Variants in NRCAM observed in about 807,000 individuals in gnomAD.
The protein encoded by NRCAM is neuronal cell adhesion molecule.
A neutral mutation model predicts 156.5 loss-of-function variants in NRCAM; 83 were observed. The ratio of observed to expected loss-of-function variants is 0.53; its 90% CI spans 0.44 to 0.64. NRCAM has a LOEUF of 0.64. Among genes scored for constraint, NRCAM ranks in the 30% least tolerant of loss-of-function variants. The pLI, the probability that NRCAM is intolerant of heterozygous loss-of-function variation, is 0.00. For missense variants in NRCAM, 1,417 were observed against 1,597.3 expected, an observed-to-expected ratio of 0.89 and a Z score of 1.92; for synonymous variants, 538 against 563.9, an observed-to-expected ratio of 0.95 and a Z score of 0.65.
chr7:108,343,703 A>G (rs1295697506), intron 2 of NRCAM, among the ~76,000 whole-genome samples: 1 of 152,226 alleles, frequency 6.6e-6, no homozygotes, highest in South Asian at 2.1e-4. Flanking sequence ...AAAACCCTTC[A>G]TCAAACCTTT....
intron 1 of NRCAM, among the ~76,000 whole-genome samples, chr7:108,420,704 T>C (rs553836941): frequency 2.6e-5 from 4 of 152,208 alleles, no homozygotes; most frequent in African/African-American, 4.8e-5. Context: ...CTGGTCCCCA[T>C]TGGTTTCCTT....
intron 2 of NRCAM, among the ~76,000 whole-genome samples, chr7:108,366,740 C>A (rs1595300664): frequency 1.3e-5 from 2 of 152,176 alleles, no homozygotes; most frequent in African/African-American, 4.8e-5. Context: ...GGTGTAAATA[C>A]CTAATTGCAA....
At chr7:108,453,933 A>G (rs1853497910) in intron 1 of NRCAM, among the ~76,000 whole-genome samples, 1 of 152,212 alleles carries the variant, frequency 6.6e-6, no homozygotes, top group Non-Finnish European at 1.5e-5. Flanking sequence ...TCAACATCCA[A>G]TTTGAGGAGT....
intron 2 of NRCAM, among the ~76,000 whole-genome samples, chr7:108,386,631 A>G (rs2099741630): frequency 6.6e-6 from 1 of 152,156 alleles, no homozygotes; most frequent in South Asian, 2.1e-4. Context: ...GAAAACTATG[A>G]TAATAATAAC....
intron 1 of NRCAM, among the ~76,000 whole-genome samples, chr7:108,446,621 C>G (rs1844486431): frequency 6.6e-6 from 1 of 152,102 alleles, no homozygotes; most frequent in South Asian, 2.1e-4. Context: ...GCCTGGATGA[C>G]TAGTTATCTG....
intron 2 of NRCAM, among the ~76,000 whole-genome samples, chr7:108,337,842 T>C (rs2099218754): frequency 6.6e-6 from 1 of 152,150 alleles, no homozygotes; most frequent in South Asian, 2.1e-4. Context: ...CCCAGTAACA[T>C]TTAGCGACCA....
intron 2 of NRCAM, among the ~76,000 whole-genome samples, chr7:108,347,117 AAGCAC>A (rs2099362797): frequency 7.4e-6 from 1 of 135,598 alleles, no homozygotes; most frequent in African/African-American, 2.8e-5. Flanking sequence ...GGCTCACTGC[AAGCAC>A]TGCCTCCCGG....
rs1310133764 is a variant in NRCAM at position 108,223,728 on chromosome 7, CCTT to C, written c.884_886del (p.Glu295del). 6.7e-7 allele frequency: 1 copy of C among 1,485,388 alleles called. No individual in the cohort carries two copies. Among genetic ancestry groups the C allele is most frequent in the African/African-American group, 1.4e-5 (1 of 72,280 alleles). The allele number at this position is 1,485,388 out of a possible 1,614,324, so 92.0% of individuals were successfully genotyped here. ...AGGACAGAAAGTGTTAACTCACAGTCCTTCTGCAATGCACTCCAGTGAAAGCAC... is the reference window on the plus strand; with the variant it reads ...AGGACAGAAAGTGTTAACTCACAGTCCTGCAATGCACTCCAGTGAAAGCAC... On this transcript the variant is annotated inframe_deletion, in exon 11 of 33. Coordinates refer to ENST00000379028, the MANE Select transcript of NRCAM (RefSeq NM_001037132.4).
intron 1 of NRCAM, among the ~76,000 whole-genome samples, chr7:108,410,033 A>T (rs184823546): frequency 6.1e-4 from 93 of 152,318 alleles, no homozygotes; most frequent in Non-Finnish European, 1.1e-3. Flanking sequence ...CATTACAAAA[A>T]GAAGAACCCT....
At chr7:108,313,608 TTATG>T (rs1376767054) in intron 2 of NRCAM, among the ~76,000 whole-genome samples, 1 of 152,202 alleles carries the variant, frequency 6.6e-6, no homozygotes, top group East Asian at 1.9e-4. Context: ...CTGGTTTTGC[TTATG>T]TATGTGTTAT....
At chr7:108,443,721 A>T (rs1456161587) in intron 1 of NRCAM, among the ~76,000 whole-genome samples, 1 of 152,228 alleles carries the variant, frequency 6.6e-6, no homozygotes, top group Non-Finnish European at 1.5e-5. Flanking sequence ...CGAAAAAGGT[A>T]ATCAACTAAT....
At chr7:108,403,182 T>C (rs1431247753) in intron 1 of NRCAM, among the ~76,000 whole-genome samples, 1 of 152,232 alleles carries the variant, frequency 6.6e-6, no homozygotes, top group Non-Finnish European at 1.5e-5. Flanking sequence ...AATATTTCTC[T>C]AATCTTTTTG....
chr7:108,176,173 T>C (rs2060424821), intron 27 of NRCAM, among the ~76,000 whole-genome samples: 1 of 152,106 alleles, frequency 6.6e-6, no homozygotes, highest in Non-Finnish European at 1.5e-5. Context: ...CAAATTCAAG[T>C]GTGGCAAATA....
chr7:108,186,479 C>G (rs1197187634), intron 20 of NRCAM, among the ~76,000 whole-genome samples: 4 of 152,166 alleles, frequency 2.6e-5, no homozygotes, highest in Admixed American at 2.6e-4. Flanking sequence ...GTACAATGGC[C>G]TGTACCATTA....
intron 3 of NRCAM, among the ~76,000 whole-genome samples, chr7:108,280,233 A>G (rs2097797310): frequency 6.6e-6 from 1 of 152,224 alleles, no homozygotes; most frequent in African/African-American, 2.4e-5. Context: ...AGGCGAATGA[A>G]CTTAGAAGCG....
At chr7:108,280,504 A>AATT (rs1432542883) in intron 3 of NRCAM, among the ~76,000 whole-genome samples, 1 of 152,236 alleles carries the variant, frequency 6.6e-6, no homozygotes, top group Non-Finnish European at 1.5e-5. Context: ...TAAGAGTTGG[A>AATT]ATGGAGACCT....
chr7:108,257,124 AAAGG>A (rs953027911), intron 3 of NRCAM, among the ~76,000 whole-genome samples: 19 of 151,980 alleles, frequency 1.3e-4, no homozygotes, highest in Admixed American at 6.5e-4. Flanking sequence ...AAAAGAAGAG[AAAGG>A]AAGGAAGGAA....
At chr7:108,354,283 A>G (rs768062675) in intron 2 of NRCAM, among the ~76,000 whole-genome samples, 9 of 152,260 alleles carry the variant, frequency 5.9e-5, no homozygotes, top group Non-Finnish European at 1.2e-4. Flanking sequence ...CCTTCATTAA[A>G]TACTCATTCG....
chr7:108,374,809 C>A (rs1394413138), intron 2 of NRCAM, among the ~76,000 whole-genome samples: 1 of 152,014 alleles, frequency 6.6e-6, no homozygotes, highest in African/African-American at 2.4e-5. Flanking sequence ...GGCTCATGAT[C>A]AATGATTAGG....
Sources: gnomAD v4.1 joint callset for allele counts (sites outside exome capture counted in the v4.1 genomes callset) on GRCh38, gnomAD v4.1.1 for gene constraint, MANE v1.5 for transcripts, NCBI Gene and HGNC (gene_info 2026-07-23, HGNC 2026-07-21) for gene names.